CPPED1: variants seen among roughly 807,000 people sequenced by gnomAD.
CPPED1 encodes serine/threonine-protein phosphatase CPPED1.
A neutral mutation model predicts 28.0 loss-of-function variants in CPPED1; 28 were observed. The observed-to-expected ratio is 1.00, with a 90% CI of 0.74 to 1.37. The LOEUF (loss-of-function observed/expected upper bound fraction) is 1.37. Ranked by LOEUF, CPPED1 falls within the 40% of genes most tolerant of loss-of-function variation. The probability of loss-of-function intolerance (pLI) is 0.00; values close to 1 mark genes in which losing one functional copy is unlikely to be tolerated. For synonymous variants in CPPED1, 198 were observed against 180.2 expected (o/e 1.10, Z -0.79); for missense variants, 504 against 416.5 (o/e 1.21, Z -1.83).
At chr16:12,775,009 G>A (rs552317677) in intron 2 of CPPED1, among the ~76,000 whole-genome samples, 14 of 152,128 alleles carry the variant, frequency 9.2e-5, no homozygotes, top group East Asian at 1.9e-4. Flanking sequence ...TTGTATAGAC[G>A]GGGTTTCACT....
chr16:12,667,451 C>T (rs539091874), intron 3 of CPPED1, among the ~76,000 whole-genome samples: 102 of 152,202 alleles, frequency 6.7e-4, no homozygotes, highest in Non-Finnish European at 8.8e-4. Flanking sequence ...AAAATAAAAA[C>T]AACCCTCAAT....
intron 3 of CPPED1, among the ~76,000 whole-genome samples, chr16:12,665,503 C>T (rs1254432133): frequency 6.6e-6 from 1 of 152,076 alleles, no homozygotes; most frequent in Non-Finnish European, 1.5e-5. Flanking sequence ...TTAAAAATAA[C>T]ATTTATGGCC....
chr16:12,713,418 T>A (rs1020210712), intron 2 of CPPED1, among the ~76,000 whole-genome samples: 1 of 152,180 alleles, frequency 6.6e-6, no homozygotes, highest in Non-Finnish European at 1.5e-5. Context: ...CAGGCTGGAG[T>A]GCAGTGGCGC....
In CPPED1 at chr16:12,781,100, G is replaced by A. The variant is rs556432683; in HGVS notation, c.289+85C>T. Reference sequence around the variant, plus strand: ...TCCATGACTGAGCAAAGATGCCTTCGAAGCAAAATCTTTTTTTCTCCTGCC... The same window carrying A: ...TCCATGACTGAGCAAAGATGCCTTCAAAGCAAAATCTTTTTTTCTCCTGCC... On this transcript the variant is annotated intron_variant, in intron 2 of 3. Coordinates refer to ENST00000381774, the MANE Select transcript of CPPED1 (RefSeq NM_018340.3). The A allele has an allele frequency of 3.8e-5, 49 of 1,278,668 alleles. No homozygotes were observed. In the Middle Eastern group the frequency reaches 7.0e-4, roughly 18 times the overall value. The allele number at this position is 1,278,668 out of a possible 1,614,324, so 79.2% of individuals were successfully genotyped here.
In CPPED1 at chr16:12,663,188, G is replaced by A; in HGVS notation, c.*1698C>T. ...GCGATCTCCTGCCTCAGCCTCCCGA[G>A]TAGCTGGGATTACAGGTGTGCACCA... On this transcript the variant is annotated 3_prime_UTR_variant, in exon 4 of 4. Transcript: ENST00000381774. 1 of 151,950 alleles carries A rather than the reference G, an allele frequency of 6.6e-6. No individual in the cohort carries two copies. The highest frequency in any genetic ancestry group is 1.5e-5 in the Non-Finnish European group (1 of 68,104). 9.4% of individuals were successfully genotyped at this position (151,950 alleles called of 1,614,324 possible). A position where few individuals can be genotyped will look rare whatever the true frequency, so the allele number is the denominator to read the frequency against.
chr16:12,757,896 A>C (rs958191741), intron 2 of CPPED1: 1 of 151,556 alleles, frequency 6.6e-6, no homozygotes, highest in African/African-American at 2.4e-5. Flanking sequence ...GCTCTAAAAC[A>C]GAGCAAAATA....
Position 12,663,550 on chromosome 16 carries a change from ATT to A in CPPED1, c.*1334_*1335del, listed in dbSNP as rs2079808402. On this transcript the variant is annotated 3_prime_UTR_variant, in exon 4 of 4. Coordinates refer to ENST00000381774, the MANE Select transcript of CPPED1 (RefSeq NM_018340.3). ...CAATGAACTCTGGTGTCACCAGCCT[ATT>A]GTATAATTAACTTCTCGTCTTTTGT... The A allele has an allele frequency of 3.9e-5, 6 of 152,216 alleles. No individual in the cohort carries two copies. The South Asian group carries it at 6.2e-4, about 16-fold the overall frequency. The allele number at this position is 152,216 out of a possible 1,614,324, so 9.4% of individuals were successfully genotyped here.
chr16:12,715,837 T>A (rs2080104544), intron 2 of CPPED1, among the ~76,000 whole-genome samples: 1 of 152,098 alleles, frequency 6.6e-6, no homozygotes, highest in African/African-American at 2.4e-5. Context: ...CCCAATGGGA[T>A]GGTTTTAAGG....
At chr16:12,768,347 C>T (rs992984180) in intron 2 of CPPED1, among the ~76,000 whole-genome samples, 35 of 152,170 alleles carry the variant, frequency 2.3e-4, no homozygotes, top group Admixed American at 1.9e-3. Context: ...GGAACCCAGA[C>T]GGAAAGATTA....
intron 2 of CPPED1, among the ~76,000 whole-genome samples, chr16:12,757,232 T>A (rs1314991467): frequency 6.6e-6 from 1 of 152,110 alleles, no homozygotes; most frequent in African/African-American, 2.4e-5. Flanking sequence ...TTTCCCAGGA[T>A]GTGGGACTTT....
chr16:12,717,696 A>G (rs1265886028), intron 2 of CPPED1, among the ~76,000 whole-genome samples: 1 of 152,150 alleles, frequency 6.6e-6, no homozygotes. Context: ...GCGGGAGTAC[A>G]GAGGCACAAA....
chr16:12,721,614 A>C (rs909394112), intron 2 of CPPED1, among the ~76,000 whole-genome samples: 1 of 152,060 alleles, frequency 6.6e-6, no homozygotes, highest in African/African-American at 2.4e-5. Context: ...TTAGCCGGGC[A>C]TGGTAGCGGG....
intron 2 of CPPED1, among the ~76,000 whole-genome samples, chr16:12,741,547 C>A (rs2070131767): frequency 6.6e-6 from 1 of 152,138 alleles, no homozygotes; most frequent in African/African-American, 2.4e-5. Context: ...TCACACAGGC[C>A]ATCAGAGAAA....
chr16:12,792,641 G>C (rs947111347), intron 1 of CPPED1, among the ~76,000 whole-genome samples: 7 of 152,202 alleles, frequency 4.6e-5, no homozygotes, highest in Admixed American at 3.9e-4. Flanking sequence ...CACATGTCAT[G>C]GGAAGGACCT....
intron 2 of CPPED1, among the ~76,000 whole-genome samples, chr16:12,710,417 T>A (rs570170571): frequency 1.3e-5 from 2 of 149,360 alleles, no homozygotes; most frequent in South Asian, 4.2e-4. Flanking sequence ...AATCAAAAGG[T>A]CATTTTGAAT....
intron 2 of CPPED1, among the ~76,000 whole-genome samples, chr16:12,777,694 T>G (rs1249270548): frequency 6.6e-6 from 1 of 152,182 alleles, no homozygotes; most frequent in Non-Finnish European, 1.5e-5. Context: ...CCCATCACAT[T>G]TTTGTGCTTC....
intron 2 of CPPED1, among the ~76,000 whole-genome samples, chr16:12,711,560 C>T (rs2080080029): frequency 6.6e-6 from 1 of 152,120 alleles, no homozygotes; most frequent in African/African-American, 2.4e-5. Flanking sequence ...ACTCATGATC[C>T]CTCCAGGTTG....
chr16:12,716,248 C>A (rs75653131), intron 2 of CPPED1, among the ~76,000 whole-genome samples: 3 of 152,168 alleles, frequency 2.0e-5, no homozygotes, highest in African/African-American at 7.2e-5. Flanking sequence ...CCTTCTTTAG[C>A]GCTAACGCTG....
chr16:12,689,725 AACAT>A (rs1289171496), intron 3 of CPPED1, among the ~76,000 whole-genome samples: 1 of 152,210 alleles, frequency 6.6e-6, no homozygotes, highest in African/African-American at 2.4e-5. Context: ...TCACAGAGAA[AACAT>A]ACATGCCCAC....
Sources: allele counts gnomAD v4.1 joint callset (sites outside exome capture counted in the v4.1 genomes callset), GRCh38; gene constraint gnomAD v4.1.1; transcripts MANE v1.5; gene names NCBI Gene and HGNC (gene_info 2026-07-23, HGNC 2026-07-21).